CFAP54: variants seen among roughly 807,000 people sequenced by gnomAD.
CFAP54 encodes the protein cilia- and flagella-associated protein 54.
Under a neutral mutation model 370.4 loss-of-function variants are expected in CFAP54, and 290 were observed. That is an observed-to-expected ratio of 0.78 (90% confidence interval 0.71 to 0.86). The LOEUF (loss-of-function observed/expected upper bound fraction) is 0.86, where lower values mean the gene tolerates loss of function less well. Among genes scored for constraint, CFAP54 ranks in the 40% least tolerant of loss-of-function variants. CFAP54 has a pLI of 0.00. For missense variants in CFAP54, 3,399 were observed against 3,528.7 expected (o/e 0.96, Z 0.93); for synonymous variants, 1,206 against 1,236.5 (o/e 0.98, Z 0.52).
At chr12:96,826,674 A>T (rs1959111405) in intron 65 of CFAP54, among the ~76,000 whole-genome samples, 1 of 107,442 alleles carries the variant, frequency 9.3e-6, no homozygotes, top group South Asian at 2.6e-4. Flanking sequence ...ATAAATATAT[A>T]ATATATAATA....
Position 96,704,452 on chromosome 12 carries a change from G to GTATA in CFAP54, c.6475-245_6475-242dup, listed in dbSNP as rs71068825. Among the ~76,000 whole-genome samples the GTATA allele has an allele frequency of 4.9e-3, 299 of 61,140 alleles. 1 individual carries two copies. The highest frequency in any genetic ancestry group is 0.02 in the Middle Eastern group (1 of 50). The allele number at this position is 61,140 out of a possible 152,430, so 40.1% of individuals were successfully genotyped here. ...AAAAAAAAAAAAAAAATGTATGTGT[G>GTATA]TATATATATATATATATATATATAT... On this transcript the variant is annotated intron_variant, in intron 46 of 67. Coordinates refer to ENST00000524981, the MANE Select transcript of CFAP54 (RefSeq NM_001306084.2).
intron 26 of CFAP54, among the ~76,000 whole-genome samples, chr12:96,608,459 C>CTT (rs5800258): frequency 0.5 from 53,039 of 106,810 alleles, 15,885 homozygotes; most frequent in East Asian, 0.65. Flanking sequence ...CATAGTAGGA[C>CTT]TTTTTTTTTT....
intron 32 of CFAP54, among the ~76,000 whole-genome samples, chr12:96,632,742 G>C (rs1051485789): frequency 6.6e-6 from 1 of 151,920 alleles, no homozygotes. Flanking sequence ...AAATGGAATG[G>C]TTTTTTGATT....
chr12:96,840,150 C>T (rs1415131503), intron 66 of CFAP54, among the ~76,000 whole-genome samples: 1 of 152,202 alleles, frequency 6.6e-6, no homozygotes, highest in Admixed American at 6.5e-5. Context: ...CCATGACATC[C>T]AATAAAACTA....
chr12:96,640,481 G>C (rs1319879049), intron 32 of CFAP54, among the ~76,000 whole-genome samples: 1 of 152,176 alleles, frequency 6.6e-6, no homozygotes, highest in Non-Finnish European at 1.5e-5. Context: ...AATCAGTATT[G>C]TGAAAATGGC....
chr12:96,832,462 A>G (rs1959174223), intron 66 of CFAP54, among the ~76,000 whole-genome samples: 1 of 152,066 alleles, frequency 6.6e-6, no homozygotes, highest in African/African-American at 2.4e-5. Context: ...CATATGTAAA[A>G]AAGTACAAAT....
chr12:96,606,692 A>G (rs1245865481), intron 26 of CFAP54, among the ~76,000 whole-genome samples: 1 of 152,154 alleles, frequency 6.6e-6, no homozygotes, highest in African/African-American at 2.4e-5. Context: ...CAGTTGGTAA[A>G]GGCTGGAGGG....
At position 96,592,682 on chromosome 12, in the gene CFAP54, T is replaced by A. The variant is rs1047710989; in HGVS notation, c.3360+45T>A. 26 of 661,844 alleles carry A rather than the reference T, an allele frequency of 3.9e-5. 1 individual carries two copies. The highest frequency in any genetic ancestry group is 5.7e-5 in the Non-Finnish European group (26 of 458,248). The allele number at this position is 661,844 out of a possible 1,614,324, so 41.0% of individuals were successfully genotyped here. A position where few individuals can be genotyped will look rare whatever the true frequency, so the allele number is the denominator to read the frequency against. On this transcript the variant is annotated intron_variant, in intron 24 of 67. Coordinates refer to ENST00000524981, the MANE Select transcript of CFAP54 (RefSeq NM_001306084.2). Reference sequence around the variant, plus strand: ...TAAAAACATGTCAGATTCACTGTATTTTTTTCTTGATGTTTTAAGATCATG... The same window carrying A: ...TAAAAACATGTCAGATTCACTGTATATTTTTCTTGATGTTTTAAGATCATG...
At chr12:96,657,758 A>G (rs2136512800) in intron 36 of CFAP54, 124 bp from the exon 37 acceptor site, 1 of 743,802 alleles carries the variant, frequency 1.3e-6, no homozygotes, top group Non-Finnish European at 2.2e-6. Flanking sequence ...TTGCATAAGA[A>G]AAATATTTTT....
intron 66 of CFAP54, among the ~76,000 whole-genome samples, chr12:96,856,565 T>C (rs958359966): frequency 1.3e-5 from 2 of 152,224 alleles, no homozygotes; most frequent in African/African-American, 4.8e-5. Context: ...GAGTCACCTT[T>C]GCTCCAGTTC....
chr12:96,674,075 C>G (rs991514516), intron 39 of CFAP54, among the ~76,000 whole-genome samples: 1 of 152,200 alleles, frequency 6.6e-6, no homozygotes, highest in Non-Finnish European at 1.5e-5. Flanking sequence ...TGGGATCACT[C>G]TCTTGAGTTT....
intron 32 of CFAP54, among the ~76,000 whole-genome samples, chr12:96,642,780 C>G (rs562684697): frequency 1.3e-5 from 2 of 152,298 alleles, no homozygotes; most frequent in Non-Finnish European, 2.9e-5. Flanking sequence ...CCTTGTGGAG[C>G]TCTGTCTCTG....
intron 66 of CFAP54, among the ~76,000 whole-genome samples, chr12:96,845,543 C>T (rs1261823607): frequency 2.0e-5 from 3 of 152,170 alleles, no homozygotes; most frequent in African/African-American, 7.2e-5. Context: ...AAGACCCAAC[C>T]CCACCACCAC....
chr12:96,786,748 GATT>G lies in CFAP54; in HGVS notation c.8530_8532del (p.Ile2844del), dbSNP rs1958633651. ...TCACATCCCTTTACAACTCTGAGTTGATTTTGCGCCAGAAAGAAGTGCATTTTT... is the reference window on the plus strand; with the variant it reads ...TCACATCCCTTTACAACTCTGAGTTGTTGCGCCAGAAAGAAGTGCATTTTT... On this transcript the variant is annotated inframe_deletion, in exon 62 of 68. Transcript: ENST00000524981. 1 of 1,535,814 alleles carries G rather than the reference GATT, an allele frequency of 6.5e-7. No homozygotes were observed. Among genetic ancestry groups the G allele is most frequent in the Non-Finnish European group, 8.7e-7 (1 of 1,146,846 alleles).
intron 65 of CFAP54, among the ~76,000 whole-genome samples, chr12:96,826,516 TATATA>T (rs1441471367): frequency 8.2e-4 from 73 of 89,154 alleles, no homozygotes; most frequent in Non-Finnish European, 1.2e-3. Flanking sequence ...GATATATAAA[TATATA>T]ATATATTATA....
intron 60 of CFAP54, among the ~76,000 whole-genome samples, chr12:96,768,958 A>G (rs1321988660): frequency 6.6e-6 from 1 of 152,210 alleles, no homozygotes; most frequent in Non-Finnish European, 1.5e-5. Context: ...AGAGTGGACT[A>G]TAGATCATCC....
chr12:96,779,859 C>T (rs1565975770), intron 60 of CFAP54, among the ~76,000 whole-genome samples: 1 of 151,794 alleles, frequency 6.6e-6, no homozygotes, highest in Non-Finnish European at 1.5e-5. Flanking sequence ...GGAAAGGGCC[C>T]TCAGTGTTGC....
intron 22 of CFAP54, among the ~76,000 whole-genome samples, chr12:96,587,883 C>G (rs777522429): frequency 6.6e-6 from 1 of 152,112 alleles, no homozygotes; most frequent in Admixed American, 6.6e-5. Context: ...ATTAACCACT[C>G]GAAGACTTGG....
In CFAP54 at chr12:96,666,939, G is replaced by C. The variant is rs546979775; in HGVS notation, c.5563+3007G>C. Among the ~76,000 whole-genome samples the C allele has an allele frequency of 6.6e-5, 10 of 152,310 alleles. No individual in the cohort carries two copies. In the South Asian group the frequency reaches 1.9e-3, roughly 28 times the overall value. ...AGCCTGTAAAATCAAAAGCAAGTTA[G>C]TTACTTCCTAGATACAGTGGGGGTA... On this transcript the variant is annotated intron_variant, in intron 39 of 67. Coordinates refer to ENST00000524981, the MANE Select transcript of CFAP54 (RefSeq NM_001306084.2).
Sources: gnomAD v4.1 joint callset for allele counts (sites outside exome capture counted in the v4.1 genomes callset) on GRCh38, gnomAD v4.1.1 for gene constraint, MANE v1.5 for transcripts, NCBI Gene and HGNC (gene_info 2026-07-23, HGNC 2026-07-21) for gene names.